SCMH1: variants seen among roughly 807,000 people sequenced by gnomAD.
SCMH1 encodes the protein Scm polycomb group protein homolog 1, also known as polycomb protein SCMH1.
A neutral mutation model predicts 70.8 loss-of-function variants in SCMH1; 37 were observed. That is an observed-to-expected ratio of 0.52 (90% confidence interval 0.40 to 0.69). The LOEUF (loss-of-function observed/expected upper bound fraction) is 0.69, where lower values mean the gene tolerates loss of function less well. Ranked by LOEUF, SCMH1 falls within the 30% of genes least tolerant of loss-of-function variation. SCMH1 has a pLI of 0.00. For missense variants in SCMH1, 607 were observed against 827.3 expected, an observed-to-expected ratio of 0.73 and a Z score of 3.27; for synonymous variants, 292 against 307.4, an observed-to-expected ratio of 0.95 and a Z score of 0.52.
intron 6 of SCMH1, among the ~76,000 whole-genome samples, chr1:41,128,804 T>C (rs1253517277): frequency 1.3e-5 from 2 of 152,162 alleles, no homozygotes; most frequent in Admixed American, 1.3e-4. Flanking sequence ...CTACGTGAAG[T>C]TGTTCCATGG....
chr1:41,239,817 G>A (rs1364072950), intron 1 of SCMH1, among the ~76,000 whole-genome samples: 1 of 151,966 alleles, frequency 6.6e-6, no homozygotes, highest in African/African-American at 2.4e-5. Context: ...TTTATTTTTT[G>A]TAGAGACAGG....
intron 1 of SCMH1, among the ~76,000 whole-genome samples, chr1:41,195,559 C>G (rs1366358396): frequency 6.6e-6 from 1 of 151,942 alleles, no homozygotes; most frequent in East Asian, 1.9e-4. Flanking sequence ...TAGAAGGGAA[C>G]TTCTTCAACA....
chr1:41,084,780 T>C (rs1182059151), intron 8 of SCMH1, among the ~76,000 whole-genome samples: 3 of 151,994 alleles, frequency 2.0e-5, no homozygotes, highest in East Asian at 1.9e-4. Context: ...ATATACACCA[T>C]GGAATACTAT....
chr1:41,049,497 C>T (rs529536174), intron 10 of SCMH1, among the ~76,000 whole-genome samples: 3 of 151,384 alleles, frequency 2.0e-5, no homozygotes, highest in East Asian at 1.9e-4. Context: ...TTGGGCTGGG[C>T]GTGGTGGCTC....
At chr1:41,033,887 T>C (rs748752815) in intron 13 of SCMH1, 96 bp downstream of exon 14, 9 of 1,574,986 alleles carry the variant, frequency 5.7e-6, no homozygotes, top group African/African-American at 1.3e-5. Flanking sequence ...AACAGTACCA[T>C]CTGAGGCCAG....
chr1:41,071,243 T>G (rs886712353), intron 9 of SCMH1, among the ~76,000 whole-genome samples: 1 of 129,142 alleles, frequency 7.7e-6, no homozygotes. Context: ...CTTGCACTTT[T>G]ACCTGGTCCA....
intron 1 of SCMH1, among the ~76,000 whole-genome samples, chr1:41,213,132 G>C (rs1657396214): frequency 6.6e-6 from 1 of 152,056 alleles, no homozygotes; most frequent in African/African-American, 2.4e-5. Context: ...AGTTGTTAAA[G>C]TACAATTTAA....
chr1:41,148,362 C>A (rs1181476240), intron 5 of SCMH1, among the ~76,000 whole-genome samples: 1 of 152,114 alleles, frequency 6.6e-6, no homozygotes, highest in South Asian at 2.1e-4. Flanking sequence ...TTGTATAGAT[C>A]TGTTATTTCA....
chr1:41,151,803 T>C (rs981625699), intron 4 of SCMH1, 119 bp from the exon 5 acceptor site: 2 of 585,176 alleles, frequency 3.4e-6, no homozygotes, highest in Non-Finnish European at 5.8e-6. Flanking sequence ...AAAAATATAA[T>C]TTTTTTCCTG....
chr1:41,103,308 AT>A (rs1332267188), intron 8 of SCMH1, among the ~76,000 whole-genome samples: 8 of 151,194 alleles, frequency 5.3e-5, no homozygotes, highest in African/African-American at 1.9e-4. Context: ...ATTTTTTTTT[AT>A]TTTTTTATTT....
chr1:41,156,359 G>A (rs931687733), intron 4 of SCMH1, among the ~76,000 whole-genome samples: 5 of 152,112 alleles, frequency 3.3e-5, no homozygotes, highest in Non-Finnish European at 7.4e-5. Context: ...CACTATTACC[G>A]TATAAATAGT....
At chr1:41,227,126 C>T (rs1471968189) in intron 1 of SCMH1, among the ~76,000 whole-genome samples, 1 of 152,188 alleles carries the variant, frequency 6.6e-6, no homozygotes, top group Admixed American at 6.5e-5. Flanking sequence ...GACATTTTCC[C>T]TTGTGGTCTA....
intron 8 of SCMH1, among the ~76,000 whole-genome samples, chr1:41,091,954 A>G (rs905858836): frequency 6.6e-6 from 1 of 152,162 alleles, no homozygotes; most frequent in African/African-American, 2.4e-5. Flanking sequence ...TGCCCAAGGT[A>G]CTTTACAGAT....
chr1:41,107,290 T>C (rs185605325), intron 8 of SCMH1, among the ~76,000 whole-genome samples: 1 of 151,956 alleles, frequency 6.6e-6, no homozygotes, highest in East Asian at 1.9e-4. Flanking sequence ...TCCTCCAAAG[T>C]CGTACTTTAT....
At chr1:41,185,454 C>T (rs757703514) in intron 2 of SCMH1, among the ~76,000 whole-genome samples, 8 of 152,002 alleles carry the variant, frequency 5.3e-5, no homozygotes, top group Non-Finnish European at 1.0e-4. Context: ...CCCCAAATGC[C>T]GGGATTACAG....
At chr1:41,225,844 A>G (rs1200607722) in intron 1 of SCMH1, among the ~76,000 whole-genome samples, 4 of 152,230 alleles carry the variant, frequency 2.6e-5, no homozygotes, top group African/African-American at 9.6e-5. Context: ...TGCCATTCTA[A>G]AACACCAGGC....
chr1:41,198,051 T>C (rs984566754), intron 1 of SCMH1, among the ~76,000 whole-genome samples: 1 of 152,156 alleles, frequency 6.6e-6, no homozygotes, highest in African/African-American at 2.4e-5. Flanking sequence ...AATTTCTACA[T>C]CTTTAAAATG....
chr1:41,241,651 C>T (rs1663573870), intron 1 of SCMH1, among the ~76,000 whole-genome samples: 2 of 152,066 alleles, frequency 1.3e-5, no homozygotes, highest in South Asian at 2.1e-4. Context: ...GCCCTCGGCC[C>T]CCAGCCAGCC....
rs1655050841 is a variant in SCMH1 at position 41,067,474 on chromosome 1, A to C, written c.1105+3121T>G. Among the ~76,000 whole-genome samples, 3 of 151,646 alleles carry C rather than the reference A, an allele frequency of 2.0e-5. No individual in the cohort carries two copies. In the South Asian group the frequency reaches 6.2e-4, roughly 32 times the overall value. ...CAACAACAACAAAAAAAAAAAAAAA[A>C]AAAAAAAGAGCTATCAAGACATGAA... On this transcript the variant is annotated intron_variant, in intron 10 of 14. Transcript: ENST00000337495.
Sources: gnomAD v4.1 joint callset for allele counts (sites outside exome capture counted in the v4.1 genomes callset) on GRCh38, gnomAD v4.1.1 for gene constraint, MANE v1.5 for transcripts, NCBI Gene and HGNC (gene_info 2026-07-23, HGNC 2026-07-21) for gene names.